The following SYNPR variants were observed in gnomAD, a reference collection of about 807,000 sequenced individuals.
SYNPR encodes the protein synaptoporin.
Under a neutral mutation model 32.9 loss-of-function variants are expected in SYNPR, and 23 were observed. The observed-to-expected ratio is 0.70, with a 90% confidence interval of 0.50 to 0.99. SYNPR has a LOEUF of 0.99. Among genes scored for constraint, SYNPR ranks in the 50% least tolerant of loss-of-function variants. The pLI, the probability that SYNPR is intolerant of heterozygous loss-of-function variation, is 0.00. For missense variants in SYNPR, 318 were observed against 349.3 expected (o/e 0.91, Z 0.71); for synonymous variants, 146 against 135.9 (o/e 1.07, Z -0.52).
At chr3:63,451,418 G>T (rs1157828391) in intron 2 of SYNPR, among the ~76,000 whole-genome samples, 1 of 152,114 alleles carries the variant, frequency 6.6e-6, no homozygotes, top group African/African-American at 2.4e-5. Flanking sequence ...ATTATAAATT[G>T]CAGGAAGAGA....
chr3:63,358,912 A>T (rs1391724865), intron 2 of SYNPR, among the ~76,000 whole-genome samples: 1 of 152,196 alleles, frequency 6.6e-6, no homozygotes, highest in Admixed American at 6.5e-5. Flanking sequence ...AGAACTGTTG[A>T]ACATAAGCAC....
chr3:63,500,376 T>C (rs996030060), intron 3 of SYNPR, among the ~76,000 whole-genome samples: 4 of 152,116 alleles, frequency 2.6e-5, no homozygotes, highest in African/African-American at 9.7e-5. Flanking sequence ...AGATCTGACT[T>C]TGGACTTGCC....
At chr3:63,515,164 A>T (rs1358560482) in intron 3 of SYNPR, among the ~76,000 whole-genome samples, 2 of 151,868 alleles carry the variant, frequency 1.3e-5, no homozygotes, top group African/African-American at 4.8e-5. Flanking sequence ...CTGCCCCCCC[A>T]TCTTTTCAAT....
At chr3:63,534,856 C>T (rs1702174416) in intron 3 of SYNPR, among the ~76,000 whole-genome samples, 1 of 152,112 alleles carries the variant, frequency 6.6e-6, no homozygotes, top group South Asian at 2.1e-4. Flanking sequence ...AGAACTCACT[C>T]ATCCCCTCTC....
At chr3:63,210,403 T>C in the SYNPR span, among the ~76,000 whole-genome samples, 1 of 152,236 alleles carries the variant, frequency 6.6e-6, no homozygotes, top group African/African-American at 2.4e-5. Flanking sequence ...CTAACTGAAA[T>C]AGATTGTGGA....
chr3:63,412,508 A>C (rs9830558), intron 2 of SYNPR, among the ~76,000 whole-genome samples: 4,818 of 152,266 alleles, frequency 0.032, 242 homozygotes, highest in African/African-American at 0.11. Flanking sequence ...TTTATAGTAT[A>C]GCTGAGACAT....
intron 2 of SYNPR, chr3:63,289,392 G>C (rs551322902): frequency 6.3e-6 from 1 of 158,348 alleles, no homozygotes; most frequent in East Asian, 1.8e-4. Context: ...AAGAAACCTG[G>C]TGTCACTATC....
chr3:63,463,541 A>C (rs1700625241), intron 2 of SYNPR, among the ~76,000 whole-genome samples: 1 of 152,122 alleles, frequency 6.6e-6, no homozygotes, highest in African/African-American at 2.4e-5. Flanking sequence ...TCACCTTATA[A>C]GTTGTGCTTC....
chr3:63,615,562 C>T lies in SYNPR; in HGVS notation c.*81C>T, dbSNP rs894206314. 6.6e-7 allele frequency: 1 copy of T among 1,511,262 alleles called. No homozygotes were observed. The highest frequency in any genetic ancestry group is 1.4e-5 in the African/African-American group (1 of 72,060). The allele number at this position is 1,511,262 out of a possible 1,614,324, so 93.6% of individuals were successfully genotyped here. A position where few individuals can be genotyped will look rare whatever the true frequency, so the allele number is the denominator to read the frequency against. ...AGAAGAATTTTTTAAGGGTTTCAATCAATTATTAATGCAGAGAGTATTGAA... is the reference window on the plus strand; with the variant it reads ...AGAAGAATTTTTTAAGGGTTTCAATTAATTATTAATGCAGAGAGTATTGAA... On this transcript the variant is annotated 3_prime_UTR_variant, in exon 6 of 6. Transcript: ENST00000478300.
intron 2 of SYNPR, among the ~76,000 whole-genome samples, chr3:63,313,155 A>G (rs540992305): frequency 6.6e-6 from 1 of 152,144 alleles, no homozygotes; most frequent in Non-Finnish European, 1.5e-5. Flanking sequence ...AGAATGAATA[A>G]ATGAATGAGT....
At chr3:63,563,206 A>G (rs1702722252) in intron 4 of SYNPR, among the ~76,000 whole-genome samples, 2 of 152,182 alleles carry the variant, frequency 1.3e-5, no homozygotes. Context: ...AGCTTAACTC[A>G]GGACTACTTG....
intron 4 of SYNPR, among the ~76,000 whole-genome samples, chr3:63,568,738 G>A (rs542529707): frequency 1.3e-5 from 2 of 152,204 alleles, no homozygotes; most frequent in East Asian, 1.9e-4. Context: ...AAAGATAGAG[G>A]GAGAGAGAAA....
chr3:63,292,855 C>T (rs1326615444), intron 2 of SYNPR, among the ~76,000 whole-genome samples: 1 of 152,150 alleles, frequency 6.6e-6, no homozygotes, highest in Non-Finnish European at 1.5e-5. Context: ...TTCTACGTAA[C>T]TGGAATGAAT....
chr3:63,292,122 A>G (rs1208933907), intron 2 of SYNPR, among the ~76,000 whole-genome samples: 3 of 152,186 alleles, frequency 2.0e-5, no homozygotes, highest in Non-Finnish European at 4.4e-5. Context: ...AAAATTTAGT[A>G]TTATAATCTT....
rs187575775 is a variant in SYNPR at position 63,508,022 on chromosome 3, A to G, written c.209+27066A>G. ...AAAGTATTAAGATGTTAACATTGTA[A>G]TCAATATAAAAATGTTAATGATATC... On this transcript the variant is annotated intron_variant, in intron 3 of 5. Coordinates refer to ENST00000478300, the MANE Select transcript of SYNPR (RefSeq NM_001130003.2). 1.1e-3 allele frequency among the ~76,000 whole-genome samples: 169 copies of G among 152,210 alleles called. 1 individual carries two copies. Among genetic ancestry groups the G allele is most frequent in the African/African-American group, 3.5e-3 (147 of 41,536 alleles).
intron 2 of SYNPR, among the ~76,000 whole-genome samples, chr3:63,312,493 T>C (rs2086977667): frequency 6.6e-6 from 1 of 151,944 alleles, no homozygotes; most frequent in Admixed American, 6.6e-5. Flanking sequence ...CTCTTTAAAC[T>C]TCAGCTACAT....
intron 2 of SYNPR, among the ~76,000 whole-genome samples, chr3:63,460,925 C>T (rs1297392671): frequency 6.6e-6 from 1 of 151,920 alleles, no homozygotes; most frequent in Non-Finnish European, 1.5e-5. Context: ...AAGGCACTAG[C>T]AGGCAAATAC....
At chr3:63,378,231 G>C (rs1438941384) in intron 2 of SYNPR, among the ~76,000 whole-genome samples, 1 of 151,706 alleles carries the variant, frequency 6.6e-6, no homozygotes, top group Non-Finnish European at 1.5e-5. Flanking sequence ...CAGTGGGAAA[G>C]GTATTTCCTT....
At chr3:63,419,945 A>G (rs2088586342) in intron 2 of SYNPR, among the ~76,000 whole-genome samples, 1 of 152,242 alleles carries the variant, frequency 6.6e-6, no homozygotes, top group African/African-American at 2.4e-5. Flanking sequence ...TAACTTTCAT[A>G]GGGAAATAGC....
Sources: allele counts gnomAD v4.1 joint callset (sites outside exome capture counted in the v4.1 genomes callset), GRCh38; gene constraint gnomAD v4.1.1; transcripts MANE v1.5; gene names NCBI Gene and HGNC (gene_info 2026-07-23, HGNC 2026-07-21).